The following NAALADL2 variants were observed in gnomAD, a reference collection of about 807,000 sequenced individuals.
The protein encoded by NAALADL2 is N-acetylated alpha-linked acidic dipeptidase like 2.
In NAALADL2, 76 loss-of-function variants were observed where a neutral mutation model predicts 87.2. That is an observed-to-expected ratio of 0.87 (90% CI 0.72 to 1.05). NAALADL2 has a LOEUF of 1.05. NAALADL2 is among the 50% of genes least tolerant of loss of function. NAALADL2 has a pLI of 0.00. For synonymous variants in NAALADL2, 354 were observed against 331.0 expected (o/e 1.07, Z -0.75); for missense variants, 1,089 against 945.8 (o/e 1.15, Z -1.99).
chr3:175,640,054 C>A (rs964190895), intron 11 of NAALADL2, among the ~76,000 whole-genome samples: 16 of 152,186 alleles, frequency 1.1e-4, no homozygotes, highest in Middle Eastern at 3.4e-3. Context: ...AATTTAAAAA[C>A]GTGATTTGTA....
At chr3:174,975,333 G>A (rs935775909) in intron 1 of NAALADL2, among the ~76,000 whole-genome samples, 1 of 152,120 alleles carries the variant, frequency 6.6e-6, no homozygotes, top group Non-Finnish European at 1.5e-5. Context: ...TCATTGGGAA[G>A]AAGTCCTAAA....
At chr3:174,644,969 G>C (rs1440288103) in intron 2 of NAALADL2, among the ~76,000 whole-genome samples, 1 of 152,194 alleles carries the variant, frequency 6.6e-6, no homozygotes, top group Non-Finnish European at 1.5e-5. Flanking sequence ...TAGATGCCGT[G>C]ATGGGAATAT....
intron 3 of NAALADL2, among the ~76,000 whole-genome samples, chr3:174,759,534 A>T (rs1044569980): frequency 7.2e-5 from 11 of 152,174 alleles, no homozygotes; most frequent in Non-Finnish European, 1.6e-4. Context: ...TAGAAGCAGG[A>T]ATTATTTGTA....
At chr3:175,668,078 G>C (rs1202869734) in intron 11 of NAALADL2, among the ~76,000 whole-genome samples, 1 of 152,110 alleles carries the variant, frequency 6.6e-6, no homozygotes, top group Non-Finnish European at 1.5e-5. Context: ...AAGAGTTACT[G>C]TAGCCCCTTC....
intron 9 of NAALADL2, among the ~76,000 whole-genome samples, chr3:175,489,634 T>C (rs1727770342): frequency 1.3e-5 from 2 of 152,184 alleles, no homozygotes; most frequent in Admixed American, 6.5e-5. Flanking sequence ...TTATGTGAAA[T>C]AGGGTAATTC....
At chr3:175,187,035 A>G (rs1737443440) in intron 2 of NAALADL2, among the ~76,000 whole-genome samples, 1 of 152,104 alleles carries the variant, frequency 6.6e-6, no homozygotes, top group Non-Finnish European at 1.5e-5. Context: ...TCAAATTCAA[A>G]AAGCTAGGTG....
At chr3:174,938,677 G>T (rs994141905) in intron 1 of NAALADL2, among the ~76,000 whole-genome samples, 1 of 151,680 alleles carries the variant, frequency 6.6e-6, no homozygotes. Flanking sequence ...CCAAAAACTT[G>T]CCAGCTTATT....
chr3:175,007,961 C>T (rs1003006998), intron 1 of NAALADL2, among the ~76,000 whole-genome samples: 8 of 152,060 alleles, frequency 5.3e-5, no homozygotes, highest in Admixed American at 2.6e-4. Flanking sequence ...AAGTAACTAG[C>T]GACGGGGTAG....
chr3:174,993,010 C>T (rs904111218), intron 1 of NAALADL2, among the ~76,000 whole-genome samples: 7 of 151,822 alleles, frequency 4.6e-5, no homozygotes, highest in African/African-American at 1.2e-4. Flanking sequence ...TTTACCAGAG[C>T]GGGAGATAAG....
upstream of NAALADL2, chr3:174,859,322 C>A: frequency 1.1e-6 from 1 of 943,784 alleles, no homozygotes; most frequent in Non-Finnish European, 1.7e-6. Flanking sequence ...TACAATACTA[C>A]AGTAGAAAGT....
intron 2 of NAALADL2, among the ~76,000 whole-genome samples, chr3:174,665,072 G>A (rs1223940197): frequency 6.6e-6 from 1 of 152,156 alleles, no homozygotes; most frequent in African/African-American, 2.4e-5. Context: ...TCAGTCTTGT[G>A]GAAATTGTGT....
chr3:175,622,565 T>C (rs1726378285), intron 10 of NAALADL2, among the ~76,000 whole-genome samples: 1 of 152,106 alleles, frequency 6.6e-6, no homozygotes, highest in Admixed American at 6.5e-5. Flanking sequence ...TAGCAGTAGA[T>C]TGACGACGAA....
intron 9 of NAALADL2, among the ~76,000 whole-genome samples, chr3:175,525,196 T>G: frequency 6.6e-6 from 1 of 152,172 alleles, no homozygotes. Flanking sequence ...ATCTAATTTT[T>G]CATTTTTTAA....
chr3:175,203,117 C>T (rs974955431), intron 2 of NAALADL2, among the ~76,000 whole-genome samples: 7 of 152,090 alleles, frequency 4.6e-5, no homozygotes, highest in South Asian at 2.1e-4. Context: ...ACACTGGATT[C>T]GCACCCTCCC....
At chr3:175,140,781 A>G (rs1248035016) in intron 2 of NAALADL2, among the ~76,000 whole-genome samples, 1 of 152,174 alleles carries the variant, frequency 6.6e-6, no homozygotes, top group African/African-American at 2.4e-5. Flanking sequence ...GTCAATGGAC[A>G]GTTATTGAAG....
At chr3:174,444,779 G>T (rs1714918830) in intron 1 of NAALADL2, among the ~76,000 whole-genome samples, 1 of 152,116 alleles carries the variant, frequency 6.6e-6, no homozygotes, top group Admixed American at 6.5e-5. Flanking sequence ...ATAGAATGGT[G>T]GTATTAAATC....
At chr3:175,392,997 T>C (rs1010365137) in intron 5 of NAALADL2, among the ~76,000 whole-genome samples, 1 of 152,126 alleles carries the variant, frequency 6.6e-6, no homozygotes, top group African/African-American at 2.4e-5. Flanking sequence ...AAAATGGGAA[T>C]AAAGACATTT....
At chr3:174,882,785 GTGTA>G (rs1226341000) in intron 1 of NAALADL2, among the ~76,000 whole-genome samples, 1,798 of 110,392 alleles carry the variant, frequency 0.016, 54 homozygotes, top group African/African-American at 0.065. Flanking sequence ...ATATACATAT[GTGTA>G]TATATACACG....
chr3:174,968,065 G>A (rs1307706311), intron 1 of NAALADL2, among the ~76,000 whole-genome samples: 2 of 152,130 alleles, frequency 1.3e-5, no homozygotes, highest in East Asian at 3.9e-4. Context: ...TGAAACATAG[G>A]AGTATTGTAG....
Sources: gnomAD v4.1 joint callset for allele counts (sites outside exome capture counted in the v4.1 genomes callset) on GRCh38, gnomAD v4.1.1 for gene constraint, MANE v1.5 for transcripts, NCBI Gene and HGNC (gene_info 2026-07-23, HGNC 2026-07-21) for gene names.